Variants in SHISA9 observed in about 807,000 individuals in gnomAD.
The protein encoded by SHISA9 is protein shisa-9.
In SHISA9, 13 loss-of-function variants were observed where a neutral mutation model predicts 38.0. That is an observed-to-expected ratio of 0.34 (90% CI 0.22 to 0.54). The LOEUF is 0.54. Among genes scored for constraint, SHISA9 ranks in the 20% least tolerant of loss-of-function variants. SHISA9 has a pLI of 0.91. For missense variants in SHISA9, 538 were observed against 575.8 expected, an observed-to-expected ratio of 0.93 and a Z score of 0.67; for synonymous variants, 275 against 242.0, an observed-to-expected ratio of 1.14 and a Z score of -1.27.
the SHISA9 span, among the ~76,000 whole-genome samples, chr16:13,526,868 T>C: frequency 1.3e-5 from 2 of 152,204 alleles, no homozygotes; most frequent in East Asian, 3.8e-4. Context: ...CGTACATCCA[T>C]GGTGAAGAAC....
At chr16:13,321,260 A>C in the SHISA9 span, among the ~76,000 whole-genome samples, 5 of 152,226 alleles carry the variant, frequency 3.3e-5, no homozygotes, top group Non-Finnish European at 7.3e-5. Flanking sequence ...GTGAGGTCAG[A>C]GATCATGTCC....
chr16:12,971,542 G>T (rs2072082573), intron 2 of SHISA9, among the ~76,000 whole-genome samples: 1 of 152,152 alleles, frequency 6.6e-6, no homozygotes, highest in South Asian at 2.1e-4. Context: ...GCATAACTGG[G>T]GAGGCAAGCC....
chr16:13,153,158 T>C (rs1031013516), intron 2 of SHISA9, among the ~76,000 whole-genome samples: 3 of 152,072 alleles, frequency 2.0e-5, no homozygotes, highest in Non-Finnish European at 4.4e-5. Context: ...TGAAACCCAT[T>C]TTGGACTTCT....
chr16:13,205,461 C>T (rs1317064399), intron 3 of SHISA9, among the ~76,000 whole-genome samples: 16 of 152,152 alleles, frequency 1.1e-4, no homozygotes, highest in Admixed American at 9.2e-4. Context: ...GAGTCTATTC[C>T]TTGGGGAGCT....
intron 2 of SHISA9, among the ~76,000 whole-genome samples, chr16:13,059,183 A>G (rs936549570): frequency 7.7e-6 from 1 of 129,212 alleles, no homozygotes; most frequent in Non-Finnish European, 1.5e-5. Context: ...GCTGGAGTGC[A>G]GTGGCGTGAT....
At chr16:13,313,262 A>AC in the SHISA9 span, among the ~76,000 whole-genome samples, 156 of 140,740 alleles carry the variant, frequency 1.1e-3, 2 homozygotes, top group African/African-American at 2.8e-3. Flanking sequence ...CTCAAAAAAA[A>AC]AAAAAAAAAA....
intron 2 of SHISA9, among the ~76,000 whole-genome samples, chr16:13,039,724 C>T (rs1005786948): frequency 2.1e-4 from 32 of 152,086 alleles, no homozygotes; most frequent in African/African-American, 7.2e-4. Context: ...AATGCACAAA[C>T]CCCACACACC....
In SHISA9 at chr16:13,163,128, T is replaced by A. The variant is rs114439323; in HGVS notation, c.692-40266T>A. Among the ~76,000 whole-genome samples the A allele has an allele frequency of 5.3e-3, 802 of 152,240 alleles. 4 individuals carry two copies. The highest frequency in any genetic ancestry group is 0.018 in the African/African-American group (765 of 41,560). Reference sequence around the variant, plus strand: ...ACAAGTCACTTAGCTTACCTGAGTCTCAGTTTCTTTGTCCGTGAAAGGATG... The same window carrying A: ...ACAAGTCACTTAGCTTACCTGAGTCACAGTTTCTTTGTCCGTGAAAGGATG... On this transcript the variant is annotated intron_variant, in intron 2 of 4. Transcript: ENST00000558583.
chr16:13,148,758 C>T (rs759606973), intron 2 of SHISA9, among the ~76,000 whole-genome samples: 1 of 150,964 alleles, frequency 6.6e-6, no homozygotes, highest in Non-Finnish European at 1.5e-5. Context: ...ACTTATTTCC[C>T]AGGGATCATA....
chr16:13,202,944 G>C (rs2051019817), intron 2 of SHISA9, among the ~76,000 whole-genome samples: 1 of 152,160 alleles, frequency 6.6e-6, no homozygotes, highest in Admixed American at 6.5e-5. Context: ...GCAGCTTTAA[G>C]AGGCCTCCCT....
the SHISA9 span, among the ~76,000 whole-genome samples, chr16:13,534,619 A>G: frequency 6.6e-6 from 1 of 152,214 alleles, no homozygotes; most frequent in Non-Finnish European, 1.5e-5. Flanking sequence ...ATTGTCAGCA[A>G]TCTTTGACAC....
chr16:13,469,320 G>GAGAAAGAAAGAAAGAAAGAAAGAAAGAA, the SHISA9 span, among the ~76,000 whole-genome samples: 52 of 61,588 alleles, frequency 8.4e-4, no homozygotes, highest in Non-Finnish European at 1.1e-3. Flanking sequence ...GAGAGAGAGA[G>GAGAAAGAAAGAAAGAAAGAAAGAAAGAA]AGAAAGAAAG....
At chr16:12,953,185 A>AG (rs2071782571) in intron 2 of SHISA9, among the ~76,000 whole-genome samples, 1 of 150,848 alleles carries the variant, frequency 6.6e-6, no homozygotes, top group Admixed American at 6.6e-5. Flanking sequence ...AAGTAAAAAA[A>AG]AAAAGAAAAA....
chr16:13,099,415 G>A (rs1209320725), intron 2 of SHISA9, among the ~76,000 whole-genome samples: 1 of 152,190 alleles, frequency 6.6e-6, no homozygotes, highest in African/African-American at 2.4e-5. Context: ...AATAAAACAA[G>A]GGTGGGGGAC....
At chr16:12,976,110 CAG>C (rs1284162068) in intron 2 of SHISA9, among the ~76,000 whole-genome samples, 3 of 151,978 alleles carry the variant, frequency 2.0e-5, no homozygotes, top group African/African-American at 4.8e-5. Flanking sequence ...TTATTTGAGA[CAG>C]AGTCTTGCTT....
the SHISA9 span, among the ~76,000 whole-genome samples, chr16:13,428,486 G>T: frequency 6.6e-6 from 1 of 152,244 alleles, no homozygotes; most frequent in South Asian, 2.1e-4. Flanking sequence ...AGAGAATTCT[G>T]CTCTGGGAAA....
chr16:13,278,362 T>C, the SHISA9 span, among the ~76,000 whole-genome samples: 3 of 152,076 alleles, frequency 2.0e-5, no homozygotes, highest in East Asian at 5.8e-4. Context: ...ATCAGGGATA[T>C]CGGTCTGTAG....
the SHISA9 span, among the ~76,000 whole-genome samples, chr16:13,417,158 T>C: frequency 2.6e-5 from 4 of 152,196 alleles, no homozygotes; most frequent in East Asian, 7.7e-4. Flanking sequence ...CGTGGATTGA[T>C]GCAGTCGTTC....
chr16:13,449,085 T>C, the SHISA9 span, among the ~76,000 whole-genome samples: 159 of 152,322 alleles, frequency 1.0e-3, no homozygotes, highest in African/African-American at 3.7e-3. Flanking sequence ...TTTAGCTGAA[T>C]TCCTCAATGA....
Sources: gnomAD v4.1 joint callset for allele counts (sites outside exome capture counted in the v4.1 genomes callset) on GRCh38, gnomAD v4.1.1 for gene constraint, MANE v1.5 for transcripts, NCBI Gene and HGNC (gene_info 2026-07-23, HGNC 2026-07-21) for gene names.